The following FREM1 variants were observed in gnomAD, a reference collection of about 807,000 sequenced individuals.
FREM1 encodes the protein FRAS1-related extracellular matrix protein 1.
In FREM1, 220 loss-of-function variants were observed where a neutral mutation model predicts 210.1. The observed-to-expected ratio is 1.05, with a 90% CI of 0.94 to 1.17. The LOEUF (loss-of-function observed/expected upper bound fraction) is 1.17. FREM1 is among the 50% of genes most tolerant of loss of function. The pLI, the probability that FREM1 is intolerant of heterozygous loss-of-function variation, is 0.00. For synonymous variants in FREM1, 1,189 were observed against 980.2 expected, an observed-to-expected ratio of 1.21 and a Z score of -3.98; for missense variants, 3,454 against 2,675.5, an observed-to-expected ratio of 1.29 and a Z score of -6.42.
chr9:14,887,458 T>A (rs138015977), intron 1 of FREM1, among the ~76,000 whole-genome samples: 10 of 152,310 alleles, frequency 6.6e-5, no homozygotes, highest in Non-Finnish European at 1.0e-4. Flanking sequence ...AAGACACAAC[T>A]GTAAAGCAGA....
Position 14,824,972 on chromosome 9 carries a change from A to G in FREM1, c.1902T>C (p.Thr634=), listed in dbSNP as rs201299350. The G allele has an allele frequency of 3.6e-5, 57 of 1,590,158 alleles. No individual in the cohort carries two copies. The highest frequency in any genetic ancestry group is 4.3e-5 in the Non-Finnish European group (50 of 1,174,364). The change falls in exon 11 of 37, where the codon ACT becomes ACC. Residue 634 remains threonine, a synonymous_variant. Transcript: ENST00000380880. ...CTTTTGGAAGCTGGTCATCCACTGG[A>G]GTTATATGGATTGTTGCCACCTGGA... ...SVPQVATIHI[T]PVDDQLPKEA...
chr9:14,843,297 C>A (rs564550399), intron 8 of FREM1, among the ~76,000 whole-genome samples: 22 of 152,292 alleles, frequency 1.4e-4, no homozygotes, highest in African/African-American at 5.3e-4. Context: ...CCACTCACCC[C>A]TCTCCACTCC....
At chr9:14,892,563 A>G (rs961156064) in intron 1 of FREM1, among the ~76,000 whole-genome samples, 2 of 152,176 alleles carry the variant, frequency 1.3e-5, no homozygotes, top group African/African-American at 4.8e-5. Context: ...GTTTGGCACT[A>G]TAGGATGTTA....
intron 2 of FREM1, among the ~76,000 whole-genome samples, chr9:14,865,814 C>G (rs1392227430): frequency 1.3e-5 from 2 of 152,114 alleles, no homozygotes; most frequent in African/African-American, 4.8e-5. Flanking sequence ...ACAAAACAGA[C>G]TTAGGAATCT....
chr9:14,862,478 A>C (rs1018091284), intron 3 of FREM1, among the ~76,000 whole-genome samples: 24 of 152,340 alleles, frequency 1.6e-4, no homozygotes, highest in Non-Finnish European at 1.6e-4. Flanking sequence ...CATAATCGTG[A>C]GCTTAAATTT....
At chr9:14,795,745 G>T (rs1346353280) in intron 21 of FREM1, among the ~76,000 whole-genome samples, 2 of 152,144 alleles carry the variant, frequency 1.3e-5, no homozygotes, top group Non-Finnish European at 2.9e-5. Flanking sequence ...CCTCAGTCAG[G>T]ATAATAATAT....
chr9:14,740,304 C>T (rs1841315752), intron 35 of FREM1, 70 bp from the exon 36 acceptor site: 2 of 1,084,498 alleles, frequency 1.8e-6, no homozygotes, highest in Non-Finnish European at 1.4e-6. Context: ...AAATGCATAA[C>T]AGAAATAAAA....
intron 5 of FREM1, among the ~76,000 whole-genome samples, chr9:14,855,949 T>C (rs2131486480): frequency 6.6e-6 from 1 of 152,196 alleles, no homozygotes; most frequent in Admixed American, 6.5e-5. Flanking sequence ...AGAAAACATC[T>C]ATTAGTTGTC....
chr9:14,744,267 T>C (rs919501428), intron 35 of FREM1, among the ~76,000 whole-genome samples: 1 of 152,070 alleles, frequency 6.6e-6, no homozygotes, highest in Non-Finnish European at 1.5e-5. Flanking sequence ...AATTTACATA[T>C]AATAAAATGA....
chr9:14,834,701 G>T (rs191750074), intron 10 of FREM1, among the ~76,000 whole-genome samples: 1 of 152,200 alleles, frequency 6.6e-6, no homozygotes, highest in East Asian at 1.9e-4. Flanking sequence ...AGGATTATCT[G>T]ACATATTTAG....
chr9:14,746,498 T>TA, intron 34 of FREM1, 30 bp from the exon 35 acceptor site: 1 of 1,541,548 alleles, frequency 6.5e-7, no homozygotes, highest in South Asian at 1.1e-5. Flanking sequence ...GTTCATATCA[T>TA]AATGGTCTTT....
At chr9:14,891,001 T>A (rs1836719215) in intron 1 of FREM1, among the ~76,000 whole-genome samples, 1 of 152,202 alleles carries the variant, frequency 6.6e-6, no homozygotes, top group Non-Finnish European at 1.5e-5. Context: ...AACACTCACA[T>A]TCATCATGGT....
intron 1 of FREM1, among the ~76,000 whole-genome samples, chr9:14,869,864 G>C (rs1287819323): frequency 6.6e-6 from 1 of 152,108 alleles, no homozygotes; most frequent in Non-Finnish European, 1.5e-5. Flanking sequence ...CTACGAATGA[G>C]GTGACATAGC....
intron 21 of FREM1, among the ~76,000 whole-genome samples, chr9:14,793,549 CT>C (rs1179565415): frequency 3.3e-5 from 5 of 152,186 alleles, no homozygotes; most frequent in Non-Finnish European, 7.3e-5. Context: ...TCTATAGCTC[CT>C]TTACTGTGCG....
rs760839815 is a variant in FREM1, at chr9:14,823,134, T to C, written c.2337+26A>G. 4 of 1,547,560 alleles carry C rather than the reference T, an allele frequency of 2.6e-6. No homozygotes were observed. In the East Asian group the frequency reaches 9.2e-5, roughly 35 times the overall value. The stretch of plus-strand genomic sequence containing the variant: ...CTCTCCTTTCTTTTCCTCCTTTTCA[T>C]CCTCTATATAGAACATTGTACATAC... On this transcript the variant is annotated intron_variant, in intron 13 of 36. Coordinates refer to ENST00000380880, the MANE Select transcript of FREM1 (RefSeq NM_001379081.2).
intron 10 of FREM1, among the ~76,000 whole-genome samples, chr9:14,828,839 A>G (rs1332126890): frequency 6.6e-6 from 1 of 152,206 alleles, no homozygotes; most frequent in Non-Finnish European, 1.5e-5. Context: ...CCAGACTGAA[A>G]GTTCCATGAG....
At chr9:14,792,925 G>C in intron 21 of FREM1, 41 bp from the exon 22 acceptor site, 1 of 1,400,824 alleles carries the variant, frequency 7.1e-7, no homozygotes. Context: ...AAAAATAGAA[G>C]ATATTCCTTT....
intron 35 of FREM1, among the ~76,000 whole-genome samples, chr9:14,741,690 G>A (rs1371211133): frequency 1.3e-5 from 2 of 152,224 alleles, no homozygotes; most frequent in African/African-American, 2.4e-5. Context: ...TTTGTACAGA[G>A]CATGAGAGAC....
In FREM1 at chr9:14,899,945, G is replaced by A. The variant is rs147483824; in HGVS notation, c.-268+9969C>T. On this transcript the variant is annotated intron_variant, in intron 1 of 36. Coordinates refer to ENST00000380880, the MANE Select transcript of FREM1 (RefSeq NM_001379081.2). ...TCAGTTCAGCACACCAAATTCCAGG[G>A]CACCATTTATGCTGTTTATACAGAC... 4.6e-5 allele frequency among the ~76,000 whole-genome samples: 7 copies of A among 152,246 alleles called. No individual in the cohort carries two copies. The East Asian group carries it at 1.4e-3, about 29-fold the overall frequency.
Sources: gnomAD v4.1 joint callset for allele counts (sites outside exome capture counted in the v4.1 genomes callset) on GRCh38, gnomAD v4.1.1 for gene constraint, MANE v1.5 for transcripts, NCBI Gene and HGNC (gene_info 2026-07-23, HGNC 2026-07-21) for gene names.